The following ST6GALNAC3 variants were observed in gnomAD, a reference collection of about 807,000 sequenced individuals.
ST6GALNAC3 encodes alpha-N-acetylgalactosaminide alpha-2,6-sialyltransferase 3.
Under a neutral mutation model 32.7 loss-of-function variants are expected in ST6GALNAC3, and 25 were observed. The observed-to-expected ratio is 0.76, with a 90% CI of 0.56 to 1.07. The LOEUF is 1.07. Among genes scored for constraint, ST6GALNAC3 ranks in the 50% least tolerant of loss-of-function variants. The probability of loss-of-function intolerance (pLI) is 0.00; values close to 1 mark genes in which losing one functional copy is unlikely to be tolerated. For missense variants in ST6GALNAC3, 355 were observed against 382.4 expected (o/e 0.93, Z 0.60); for synonymous variants, 129 against 133.1 (o/e 0.97, Z 0.21).
intron 1 of ST6GALNAC3, among the ~76,000 whole-genome samples, chr1:76,308,063 G>C (rs1313261987): frequency 3.9e-5 from 6 of 152,100 alleles, no homozygotes; most frequent in Admixed American, 3.9e-4. Flanking sequence ...GAAGGAGAAA[G>C]CTTTCCCTAA....
intron 3 of ST6GALNAC3, among the ~76,000 whole-genome samples, chr1:76,439,797 C>T (rs1656413934): frequency 6.6e-6 from 1 of 152,148 alleles, no homozygotes; most frequent in Admixed American, 6.5e-5. Flanking sequence ...GTAGCAAATA[C>T]AAGAGTCTAC....
chr1:76,236,808 G>T (rs1485453133), intron 1 of ST6GALNAC3, among the ~76,000 whole-genome samples: 2 of 152,148 alleles, frequency 1.3e-5, no homozygotes, highest in African/African-American at 2.4e-5. Flanking sequence ...CATAATCAAG[G>T]TTCTAAAATA....
intron 1 of ST6GALNAC3, among the ~76,000 whole-genome samples, chr1:76,283,160 A>G (rs912452737): frequency 6.6e-6 from 1 of 152,160 alleles, no homozygotes; most frequent in Non-Finnish European, 1.5e-5. Context: ...GAACAATGGT[A>G]AGACCACTGA....
intron 2 of ST6GALNAC3, among the ~76,000 whole-genome samples, chr1:76,320,498 G>A (rs184952321): frequency 2.6e-4 from 40 of 152,100 alleles, no homozygotes; most frequent in Admixed American, 2.2e-3. Flanking sequence ...GTGTACCCCT[G>A]ACATGGACAC....
At chr1:76,515,934 T>C (rs1202803898) in intron 3 of ST6GALNAC3, among the ~76,000 whole-genome samples, 1 of 152,208 alleles carries the variant, frequency 6.6e-6, no homozygotes, top group Non-Finnish European at 1.5e-5. Flanking sequence ...TAGTCTGTAG[T>C]GTAGTTTAAT....
chr1:76,147,670 G>A (rs563414053), intron 1 of ST6GALNAC3, among the ~76,000 whole-genome samples: 14 of 152,318 alleles, frequency 9.2e-5, no homozygotes, highest in African/African-American at 3.1e-4. Context: ...TGTTCATGCT[G>A]TGTCCCAAGC....
At chr1:76,487,022 A>G (rs1172902211) in intron 3 of ST6GALNAC3, among the ~76,000 whole-genome samples, 3 of 152,132 alleles carry the variant, frequency 2.0e-5, no homozygotes, top group African/African-American at 7.2e-5. Flanking sequence ...TGGATTGAAA[A>G]TTCTTCTCTT....
rs1647133809 is a variant in ST6GALNAC3 at position 76,096,473 on chromosome 1, T to C, written c.18+21589T>C. ...AAAACTTGCTTGTTGGACAATACAG[T>C]GAATACTATAGCTTTGCCTCTAATT... On this transcript the variant is annotated intron_variant, in intron 1 of 4. Coordinates refer to ENST00000328299, the MANE Select transcript of ST6GALNAC3 (RefSeq NM_152996.4). Among the ~76,000 whole-genome samples, 2 of 152,134 alleles carry C rather than the reference T, an allele frequency of 1.3e-5. 1 individual carries two copies. Among genetic ancestry groups the C allele is most frequent in the South Asian group, 4.1e-4 (2 of 4,826 alleles).
At chr1:76,484,788 C>T (rs893760023) in intron 3 of ST6GALNAC3, among the ~76,000 whole-genome samples, 1 of 152,148 alleles carries the variant, frequency 6.6e-6, no homozygotes, top group African/African-American at 2.4e-5. Flanking sequence ...AGACGCATCC[C>T]TGTCTTGTGC....
chr1:76,079,601 G>A (rs1646863510), intron 1 of ST6GALNAC3, among the ~76,000 whole-genome samples: 1 of 152,186 alleles, frequency 6.6e-6, no homozygotes, highest in Admixed American at 6.5e-5. Context: ...TACGATAGAT[G>A]CATGACTAAG....
rs887213830 is a variant in ST6GALNAC3 at position 76,159,366 on chromosome 1, T to C, written c.18+84482T>C. ...ACTGGCTAATTTTTTGTATTTTTAG[T>C]AGAGACAGAGTTTCACCATGTTGAC... is the stretch of plus-strand genomic sequence containing the variant. On this transcript the variant is annotated intron_variant, in intron 1 of 4. Coordinates refer to ENST00000328299, the MANE Select transcript of ST6GALNAC3 (RefSeq NM_152996.4). Among the ~76,000 whole-genome samples, 8 of 152,186 alleles carry C rather than the reference T, an allele frequency of 5.3e-5. No individual in the cohort carries two copies. In the East Asian group the frequency reaches 1.5e-3, roughly 29 times the overall value.
intron 3 of ST6GALNAC3, among the ~76,000 whole-genome samples, chr1:76,548,551 G>C (rs1027699686): frequency 6.6e-6 from 1 of 152,144 alleles, no homozygotes; most frequent in African/African-American, 2.4e-5. Context: ...GGAGCATAAA[G>C]TCTTTCTTAC....
chr1:76,338,051 G>T (rs1570881929), intron 2 of ST6GALNAC3, among the ~76,000 whole-genome samples: 1 of 152,174 alleles, frequency 6.6e-6, no homozygotes, highest in Non-Finnish European at 1.5e-5. Flanking sequence ...GCCAACAGCT[G>T]CCCTGCGTGG....
At chr1:76,296,272 G>A (rs966712153) in intron 1 of ST6GALNAC3, among the ~76,000 whole-genome samples, 1 of 152,084 alleles carries the variant, frequency 6.6e-6, no homozygotes, top group African/African-American at 2.4e-5. Flanking sequence ...CTTGGGAAGT[G>A]TGTGTGTCTG....
chr1:76,444,761 C>T (rs952819085), intron 3 of ST6GALNAC3, among the ~76,000 whole-genome samples: 1 of 152,022 alleles, frequency 6.6e-6, no homozygotes, highest in African/African-American at 2.4e-5. Context: ...ATTAAGGAAC[C>T]CTCTCTGCTC....
At chr1:76,124,482 T>G (rs1463295917) in intron 1 of ST6GALNAC3, among the ~76,000 whole-genome samples, 1 of 152,158 alleles carries the variant, frequency 6.6e-6, no homozygotes, top group Non-Finnish European at 1.5e-5. Context: ...CTGTCCCTGG[T>G]TGGGGATGTG....
At chr1:76,518,500 T>A (rs1342693015) in intron 3 of ST6GALNAC3, among the ~76,000 whole-genome samples, 1 of 152,104 alleles carries the variant, frequency 6.6e-6, no homozygotes, top group Non-Finnish European at 1.5e-5. Context: ...TATTTTTTCT[T>A]CATTCTTTCT....
At chr1:76,433,784 A>C (rs946685262) in intron 3 of ST6GALNAC3, among the ~76,000 whole-genome samples, 1 of 152,196 alleles carries the variant, frequency 6.6e-6, no homozygotes, top group Non-Finnish European at 1.5e-5. Flanking sequence ...CTAAATGGAA[A>C]AAAATGCAGA....
In ST6GALNAC3 at chr1:76,174,489, G is replaced by A. The variant is rs538237020; in HGVS notation, c.18+99605G>A. 2.3e-4 allele frequency among the ~76,000 whole-genome samples: 34 copies of A among 150,444 alleles called. No individual in the cohort carries two copies. In the South Asian group the frequency reaches 5.9e-3, roughly 26 times the overall value. ...AGTGTTAATGACTGTTTACATTTTC[G>A]TGAATTCTTTCCAATATTTGATATT... On this transcript the variant is annotated intron_variant, in intron 1 of 4. Coordinates refer to ENST00000328299, the MANE Select transcript of ST6GALNAC3 (RefSeq NM_152996.4).
Sources: allele counts gnomAD v4.1 joint callset (sites outside exome capture counted in the v4.1 genomes callset), GRCh38; gene constraint gnomAD v4.1.1; transcripts MANE v1.5; gene names NCBI Gene and HGNC (gene_info 2026-07-23, HGNC 2026-07-21).